SNTB2: variants seen among roughly 807,000 people sequenced by gnomAD.
SNTB2 encodes the protein beta-2-syntrophin.
Under a neutral mutation model 46.2 loss-of-function variants are expected in SNTB2, and 34 were observed. The ratio of observed to expected loss-of-function variants is 0.74; its 90% CI spans 0.56 to 0.98. The LOEUF (loss-of-function observed/expected upper bound fraction) is 0.98. Among genes scored for constraint, SNTB2 ranks in the 50% least tolerant of loss-of-function variants. SNTB2 has a pLI of 0.00. For missense variants in SNTB2, 603 were observed against 731.4 expected, an observed-to-expected ratio of 0.82 and a Z score of 2.02; for synonymous variants, 290 against 312.6, an observed-to-expected ratio of 0.93 and a Z score of 0.76.
At position 69,306,197 on chromosome 16, in the gene SNTB2, A is replaced by G. The variant is rs954370760; in HGVS notation, c.*5273A>G. On this transcript the variant is annotated 3_prime_UTR_variant, in exon 7 of 7. Transcript: ENST00000336278. ...GAATTTCAAGTTAAGGATAAGGCAC[A>G]ATAAATAGGCACATAGAGGACATCT... 2 of 152,234 alleles carry G rather than the reference A, an allele frequency of 1.3e-5. No individual in the cohort carries two copies. The highest frequency in any genetic ancestry group is 6.5e-5 in the Admixed American group (1 of 15,282). The allele number at this position is 152,234 out of a possible 1,614,324, so 9.4% of individuals were successfully genotyped here.
At chr16:69,242,938 G>A (rs551488284) in intron 1 of SNTB2, among the ~76,000 whole-genome samples, 2 of 151,292 alleles carry the variant, frequency 1.3e-5, no homozygotes, top group South Asian at 2.1e-4. Flanking sequence ...GGAGAATGGC[G>A]TGAACCCAGG....
intron 5 of SNTB2, among the ~76,000 whole-genome samples, chr16:69,287,589 C>T (rs945327505): frequency 1.3e-5 from 2 of 151,878 alleles, no homozygotes; most frequent in African/African-American, 4.8e-5. Flanking sequence ...ATGCTGGAAG[C>T]GGTTGCTTAT....
intron 1 of SNTB2, chr16:69,240,496 T>C (rs990269779): frequency 6.6e-6 from 1 of 152,252 alleles, no homozygotes; most frequent in East Asian, 1.9e-4. Context: ...TGGGATGAGG[T>C]TGGAGAGAAT....
At chr16:69,278,612 T>G (rs1410049168) in intron 4 of SNTB2, among the ~76,000 whole-genome samples, 1 of 152,114 alleles carries the variant, frequency 6.6e-6, no homozygotes, top group African/African-American at 2.4e-5. Context: ...TGCACCACCA[T>G]GCCCGGCTAA....
intron 1 of SNTB2, among the ~76,000 whole-genome samples, chr16:69,208,260 G>A (rs1964244296): frequency 6.6e-6 from 1 of 151,910 alleles, no homozygotes; most frequent in African/African-American, 2.4e-5. Context: ...TACAAAACTA[G>A]CCGGACATGG....
rs200699081 is a variant in SNTB2, at chr16:69,307,791, TAAAA to T, written c.*6880_*6883del. The T allele has an allele frequency of 1.7e-5, 2 of 120,600 alleles. No homozygotes were observed. Among genetic ancestry groups the T allele is most frequent in the Admixed American group, 8.4e-5 (1 of 11,976 alleles). 7.5% of individuals were successfully genotyped at this position (120,600 alleles called of 1,614,324 possible). ...GGGACCCCGACTCCATTTAAAAAATTAAAAAAAAAAAAAAAACTTTTAACATTTA... is the reference window on the plus strand; with the variant it reads ...GGGACCCCGACTCCATTTAAAAAATTAAAAAAAAAAAACTTTTAACATTTA... On this transcript the variant is annotated 3_prime_UTR_variant, in exon 7 of 7. Coordinates refer to ENST00000336278, the MANE Select transcript of SNTB2 (RefSeq NM_006750.4).
At chr16:69,212,025 T>C (rs2152292180) in intron 1 of SNTB2, among the ~76,000 whole-genome samples, 1 of 152,336 alleles carries the variant, frequency 6.6e-6, no homozygotes, top group South Asian at 2.1e-4. Context: ...CCTTTCATGA[T>C]ATCTTACAAC....
Position 69,252,508 on chromosome 16 carries a change from A to C in SNTB2, c.794+6693A>C, listed in dbSNP as rs988202981. On this transcript the variant is annotated intron_variant, in intron 2 of 6. Coordinates refer to ENST00000336278, the MANE Select transcript of SNTB2 (RefSeq NM_006750.4). ...AAATCCGTGTTCTTTGCATTGGTTC[A>C]CAGTGCCTCAGTCATCTTCACATTG... 9.2e-5 allele frequency among the ~76,000 whole-genome samples: 14 copies of C among 152,340 alleles called. No homozygotes were observed. The East Asian group carries it at 1.5e-3, about 17-fold the overall frequency.
At chr16:69,237,665 C>T (rs1964571742) in intron 1 of SNTB2, among the ~76,000 whole-genome samples, 1 of 137,728 alleles carries the variant, frequency 7.3e-6, no homozygotes. Context: ...TGCAATGGTG[C>T]GATCTTGGCT....
intron 1 of SNTB2, among the ~76,000 whole-genome samples, chr16:69,242,838 G>A (rs911940510): frequency 3.3e-5 from 5 of 152,036 alleles, no homozygotes; most frequent in African/African-American, 2.4e-5. Flanking sequence ...TGGCTAGCAC[G>A]GTGAAACCCC....
intron 1 of SNTB2, among the ~76,000 whole-genome samples, chr16:69,196,620 A>C (rs894564511): frequency 5.9e-5 from 9 of 151,906 alleles, no homozygotes; most frequent in African/African-American, 2.2e-4. Context: ...TGATCTGCCC[A>C]CCTTGGCCTC....
rs1965294801 is a variant in SNTB2 at position 69,303,746 on chromosome 16, T to A, written c.*2822T>A. The A allele has an allele frequency of 6.5e-6, 1 of 152,680 alleles. No homozygotes were observed. Among genetic ancestry groups the A allele is most frequent in the Non-Finnish European group, 1.5e-5 (1 of 68,052 alleles). The allele number at this position is 152,680 out of a possible 1,614,324, so 9.5% of individuals were successfully genotyped here. ...AGTCCGCAAATGAAGTGCTCTCTAATGAATGGGACACCATGATAAATATGT... is the reference window on the plus strand; with the variant it reads ...AGTCCGCAAATGAAGTGCTCTCTAAAGAATGGGACACCATGATAAATATGT... On this transcript the variant is annotated 3_prime_UTR_variant, in exon 7 of 7. Transcript: ENST00000336278.
At chr16:69,208,108 C>CAA (rs887460974) in intron 1 of SNTB2, among the ~76,000 whole-genome samples, 27 of 64,420 alleles carry the variant, frequency 4.2e-4, no homozygotes, top group African/African-American at 1.1e-3. Flanking sequence ...GACTTCATCT[C>CAA]AAAAAAAAAA....
chr16:69,300,863 T>C lies in SNTB2; in HGVS notation c.1562T>C (p.Ile521Thr), dbSNP rs759118190. The change falls in exon 7 of 7, where the codon ATT becomes ACT. Residue 521 changes from isoleucine to threonine, a missense_variant. By Grantham distance (89) the Ile-to-Thr change is moderately conservative. Coordinates refer to ENST00000336278, the MANE Select transcript of SNTB2 (RefSeq NM_006750.4). ...TMDLHSCPKP[I>T]VFVLHTFLSA... ...GACCTGCACTCTTGTCCGAAGCCGA[T>C]TGTATTTGTGTTGCACACGTTTTTA... 1.2e-6 allele frequency: 2 copies of C among 1,614,118 alleles called. No homozygotes were observed. Among genetic ancestry groups the C allele is most frequent in the Non-Finnish European group, 1.7e-6 (2 of 1,179,946 alleles).
At position 69,260,138 on chromosome 16, in the gene SNTB2, A is replaced by C; in HGVS notation, c.883A>C (p.Ile295Leu). The C allele has an allele frequency of 6.2e-7, 1 of 1,614,012 alleles. No individual in the cohort carries two copies. The highest frequency in any genetic ancestry group is 8.5e-7 in the Non-Finnish European group (1 of 1,180,016). Reference sequence around the variant, plus strand: ...CACAGCACACTCCTGGTTCGTAGCTATCCACACCAACATAATGGCTCTCCT... The same window carrying C: ...CACAGCACACTCCTGGTTCGTAGCTCTCCACACCAACATAATGGCTCTCCT... ...TATAHSWFVA[I>L]HTNIMALLPQ... Residue 295 changes from isoleucine to leucine, a missense_variant, in exon 3 of 7, where the codon ATC becomes CTC. Ile to Leu is a conservative substitution (Grantham distance 5). Coordinates refer to ENST00000336278, the MANE Select transcript of SNTB2 (RefSeq NM_006750.4).
At chr16:69,253,808 T>G (rs1045103988) in intron 2 of SNTB2, among the ~76,000 whole-genome samples, 1 of 152,214 alleles carries the variant, frequency 6.6e-6, no homozygotes, top group African/African-American at 2.4e-5. Flanking sequence ...CTCCCAGTTA[T>G]TAATAACTAG....
intron 3 of SNTB2, among the ~76,000 whole-genome samples, chr16:69,260,640 G>A (rs1964825925): frequency 6.6e-6 from 1 of 152,316 alleles, no homozygotes; most frequent in South Asian, 2.1e-4. Context: ...CAAGACAACT[G>A]TCATAGGCAA....
chr16:69,242,406 G>T (rs1321269906), intron 1 of SNTB2, among the ~76,000 whole-genome samples: 1 of 152,162 alleles, frequency 6.6e-6, no homozygotes, highest in Non-Finnish European at 1.5e-5. Context: ...CTGAGGGACA[G>T]AGTGAGACCC....
intron 4 of SNTB2, among the ~76,000 whole-genome samples, chr16:69,278,315 C>G (rs1299182281): frequency 1.3e-5 from 2 of 150,420 alleles, no homozygotes; most frequent in African/African-American, 4.9e-5. Context: ...GACCCTGTCT[C>G]AAAATGAAAA....
Sources: allele counts gnomAD v4.1 joint callset (sites outside exome capture counted in the v4.1 genomes callset), GRCh38; gene constraint gnomAD v4.1.1; transcripts MANE v1.5; gene names NCBI Gene and HGNC (gene_info 2026-07-23, HGNC 2026-07-21).